The following DSC3 variants were observed in gnomAD, a reference collection of about 807,000 sequenced individuals.
The protein encoded by DSC3 is desmocollin 3.
A neutral mutation model predicts 89.5 loss-of-function variants in DSC3; 97 were observed. The observed-to-expected ratio is 1.08, with a 90% CI of 0.92 to 1.28. The LOEUF is 1.28. Among genes scored for constraint, DSC3 ranks in the 50% most tolerant of loss-of-function variants. The pLI is 0.00. For synonymous variants in DSC3, 436 were observed against 384.1 expected, an observed-to-expected ratio of 1.14 and a Z score of -1.58; for missense variants, 1,199 against 1,085.3, an observed-to-expected ratio of 1.10 and a Z score of -1.47.
chr18:31,029,445 T>C, intron 4 of DSC3, 64 bp downstream of exon 4: 1 of 1,591,810 alleles, frequency 6.3e-7, no homozygotes, highest in Non-Finnish European at 8.6e-7. Context: ...AAAGAGGTAT[T>C]AAATCTCAAT....
rs1476409108 is a variant in DSC3 at position 31,031,628 on chromosome 18, T to TGAGTTTGGTAA, written c.155-457_155-456insTTACCAAACTC. Among the ~76,000 whole-genome samples the TGAGTTTGGTAA allele has an allele frequency of 7.2e-5, 11 of 152,304 alleles. 1 individual carries two copies. The highest frequency in any genetic ancestry group is 2.1e-4 in the South Asian group (1 of 4,826). ...GTATGAGTTTGGTAAAGAGTCATGT[T>TGAGTTTGGTAA]AGAAAAATCCAATCTCCGAAATTTT... On this transcript the variant is annotated intron_variant, in intron 2 of 15. Coordinates refer to ENST00000360428, the MANE Select transcript of DSC3 (RefSeq NM_001941.5).
Position 31,042,638 on chromosome 18 carries a change from C to G in DSC3, c.23G>C (p.Arg8Pro), listed in dbSNP as rs1261980441. The G allele has an allele frequency of 1.9e-6, 3 of 1,549,914 alleles. No individual in the cohort carries two copies. The highest frequency in any genetic ancestry group is 2.6e-6 in the Non-Finnish European group (3 of 1,146,652). Reference sequence around the variant, plus strand: ...CAGGCAGACGGCTCCGCGCACGGAGCGCCGGGGCCCAGCGGCGGCCATCGG... The same window carrying G: ...CAGGCAGACGGCTCCGCGCACGGAGGGCCGGGGCCCAGCGGCGGCCATCGG... MAAAGPR[R>P]SVRGAVCLHL... The change falls in exon 1 of 16, where the codon CGC becomes CCC. Residue 8 changes from arginine (R) to proline (P), a missense_variant. Physicochemically the swap from Arg to Pro is moderately radical, Grantham distance 103. Transcript: ENST00000360428.
At position 31,025,871 on chromosome 18, in the gene DSC3, T is replaced by C; in HGVS notation, c.519A>G (p.Ile173Met). The C allele has an allele frequency of 6.2e-7, 1 of 1,613,100 alleles. No homozygotes were observed. Among genetic ancestry groups the C allele is most frequent in the Non-Finnish European group, 8.5e-7 (1 of 1,179,322 alleles). Residue 173 changes from isoleucine to methionine, a missense_variant, in exon 5 of 16, where the codon ATA becomes ATG. By Grantham distance (10) the Ile-to-Met change is conservative. Transcript: ENST00000360428. ...AAQNYTVFYS[I>M]SGRGVDKEPL... ...GTTCTTTATCAACTCCACGTCCACTTATTGAGTAGAAGACAGTATAGTTCT... is the reference window on the plus strand; with the variant it reads ...GTTCTTTATCAACTCCACGTCCACTCATTGAGTAGAAGACAGTATAGTTCT...
chr18:30,995,990 A>G (rs993760034), intron 15 of DSC3, among the ~76,000 whole-genome samples: 19 of 148,132 alleles, frequency 1.3e-4, no homozygotes, highest in African/African-American at 4.3e-4. Flanking sequence ...AAAAAAAAAA[A>G]AAAAAAAAAG....
In DSC3 at chr18:30,994,127, G is replaced by A. The variant is rs891220242; in HGVS notation, c.*48C>T. 4.5e-6 allele frequency: 7 copies of A among 1,566,142 alleles called. No individual in the cohort carries two copies. The highest frequency in any genetic ancestry group is 5.3e-6 in the Non-Finnish European group (6 of 1,137,316). On this transcript the variant is annotated 3_prime_UTR_variant, in exon 16 of 16. Coordinates refer to ENST00000360428, the MANE Select transcript of DSC3 (RefSeq NM_001941.5). ...AATTGAACTTTACAATATTATTTTT[G>A]GAAACCTCCAGAATGTCTGACAAAG...
chr18:30,994,126 T>C lies in DSC3; in HGVS notation c.*49A>G. 2 of 1,568,076 alleles carry C rather than the reference T, an allele frequency of 1.3e-6. No homozygotes were observed. Among genetic ancestry groups the C allele is most frequent in the Non-Finnish European group, 1.8e-6 (2 of 1,138,842 alleles). ...AAATTGAACTTTACAATATTATTTT[T>C]GGAAACCTCCAGAATGTCTGACAAA... On this transcript the variant is annotated 3_prime_UTR_variant, in exon 16 of 16. Transcript: ENST00000360428.
At chr18:31,013,254 T>TGTATC (rs1598538665) in intron 9 of DSC3, among the ~76,000 whole-genome samples, 1 of 151,896 alleles carries the variant, frequency 6.6e-6, no homozygotes, top group Non-Finnish European at 1.5e-5. Context: ...AAACATGAAT[T>TGTATC]GGAACAGATA....
In DSC3 at chr18:31,018,784, G is replaced by A; in HGVS notation, c.959C>T (p.Ser320Leu). The A allele has an allele frequency of 1.9e-6, 3 of 1,613,650 alleles. No individual in the cohort carries two copies. Among genetic ancestry groups the A allele is most frequent in the Non-Finnish European group, 1.7e-6 (2 of 1,179,900 alleles). ...CATGTCTTGTACTTTCATTATCAAT[G>A]AGTACTTGTCTACAACCTGGAAACA... is the stretch of plus-strand genomic sequence containing the variant. ...YLDREVVDKY[S>L]LIMKVQDMDG... is the part of the protein sequence containing the mutation. Residue 320 changes from serine (S) to leucine (L), a missense_variant, in exon 8 of 16, where the codon TCA becomes TTA. Physicochemically the swap from Ser to Leu is moderately radical, Grantham distance 145 (BLOSUM62 -2). Coordinates refer to ENST00000360428, the MANE Select transcript of DSC3 (RefSeq NM_001941.5).
intron 9 of DSC3, among the ~76,000 whole-genome samples, chr18:31,017,270 A>G (rs372621276): frequency 1.1e-4 from 17 of 152,216 alleles, no homozygotes; most frequent in African/African-American, 4.1e-4. Flanking sequence ...AATTGCAAAT[A>G]GAGGTGTTTG....
chr18:31,019,663 T>A (rs1985354638), intron 7 of DSC3, among the ~76,000 whole-genome samples: 2 of 152,128 alleles, frequency 1.3e-5, no homozygotes. Flanking sequence ...CATGGTGGTA[T>A]GTGTCCGTAC....
intron 13 of DSC3, among the ~76,000 whole-genome samples, chr18:31,003,653 C>T (rs568373433): frequency 6.6e-6 from 1 of 152,254 alleles, no homozygotes; most frequent in Admixed American, 6.5e-5. Flanking sequence ...TTAACTTCTA[C>T]TCTTATCACA....
intron 4 of DSC3, 64 bp downstream of exon 4, chr18:31,029,445 T>G: frequency 6.3e-7 from 1 of 1,591,810 alleles, no homozygotes; most frequent in Non-Finnish European, 8.6e-7. Flanking sequence ...AAAGAGGTAT[T>G]AAATCTCAAT....
Position 30,990,898 on chromosome 18 carries a change from T to C in DSC3, c.*3277A>G, listed in dbSNP as rs768195006. The C allele has an allele frequency of 2.6e-5, 4 of 152,188 alleles. No homozygotes were observed. Among genetic ancestry groups the C allele is most frequent in the Non-Finnish European group, 5.9e-5 (4 of 68,038 alleles). 9.4% of individuals were successfully genotyped at this position (152,188 alleles called of 1,614,324 possible). A position where few individuals can be genotyped will look rare whatever the true frequency, so the allele number is the denominator to read the frequency against. ...TAGTGATCTCTTCCCAACATTACAATATATATTAATGATGTCGACAATTTG... is the reference window on the plus strand; with the variant it reads ...TAGTGATCTCTTCCCAACATTACAACATATATTAATGATGTCGACAATTTG... On this transcript the variant is annotated 3_prime_UTR_variant, in exon 16 of 16. Coordinates refer to ENST00000360428, the MANE Select transcript of DSC3 (RefSeq NM_001941.5).
chr18:31,020,293 T>A (rs1384208074), intron 7 of DSC3, among the ~76,000 whole-genome samples: 2 of 152,062 alleles, frequency 1.3e-5, no homozygotes, highest in Non-Finnish European at 2.9e-5. Context: ...TGTAAGGACC[T>A]ACAGTATTTG....
chr18:31,029,566 A>G lies in DSC3; in HGVS notation c.417T>C (p.Pro139=). Residue 139 remains proline (P), a synonymous_variant, in exon 4 of 16, where the codon CCT becomes CCC. Coordinates refer to ENST00000360428, the MANE Select transcript of DSC3 (RefSeq NM_001941.5). ...VLRRAKRRWA[P]IPCSMQENSL... ...AATTCTCTTGCATAGAGCAAGGAAT[A>G]GGTGCCCATCTCCTCTTGGCACGCC... The G allele has an allele frequency of 6.2e-7, 1 of 1,613,898 alleles. No homozygotes were observed. Among genetic ancestry groups the G allele is most frequent in the East Asian group, 2.2e-5 (1 of 44,872 alleles).
Position 31,006,914 on chromosome 18 carries a change from T to G in DSC3, c.1881A>C (p.Lys627Asn). The change falls in exon 12 of 16, where the codon AAA becomes AAC. Residue 627 changes from lysine (K) to asparagine (N), a missense_variant. By Grantham distance (94) the Lys-to-Asn change is moderately conservative. Transcript: ENST00000360428. ...PEISRLWSLTKVNDTAARLSY... is the reference protein window; with the variant it reads ...PEISRLWSLTNVNDTAARLSY... The stretch of plus-strand genomic sequence containing the variant: ...TTATTTTTTATTAAATACCATTAAC[T>G]TTGGTGAGGCTCCACAGTCTACTGA... 6.2e-7 allele frequency: 1 copy of G among 1,609,574 alleles called. No individual in the cohort carries two copies. The highest frequency in any genetic ancestry group is 8.5e-7 in the Non-Finnish European group (1 of 1,176,204).
At chr18:30,994,476 A>T (rs754208915) in intron 15 of DSC3, 104 bp from the exon 16 acceptor site, 1 of 1,595,590 alleles carries the variant, frequency 6.3e-7, no homozygotes, top group Non-Finnish European at 8.6e-7. Context: ...ATTTTTAACC[A>T]GTGTGTCCTC....
chr18:30,997,137 AC>A, intron 14 of DSC3, 89 bp from the exon 15 acceptor site: 1 of 1,479,988 alleles, frequency 6.8e-7, no homozygotes, highest in African/African-American at 1.4e-5. Context: ...TATTTGTTCA[AC>A]CTTTTATTCA....
At position 30,991,160 on chromosome 18, in the gene DSC3, A is replaced by G. The variant is rs565146260; in HGVS notation, c.*3015T>C. On this transcript the variant is annotated 3_prime_UTR_variant, in exon 16 of 16. Transcript: ENST00000360428. Reference sequence around the variant, plus strand: ...ATTTTAAGCAGCCAAGTTTCTTTAAAAGCAAAGTAACTTCTTTTAATAGCA... The same window carrying G: ...ATTTTAAGCAGCCAAGTTTCTTTAAGAGCAAAGTAACTTCTTTTAATAGCA... The G allele has an allele frequency of 3.9e-5, 6 of 152,648 alleles. No homozygotes were observed. The highest frequency in any genetic ancestry group is 8.8e-5 in the Non-Finnish European group (6 of 68,046). The allele number at this position is 152,648 out of a possible 1,614,324, so 9.5% of individuals were successfully genotyped here.
Sources: gnomAD v4.1 joint callset for allele counts (sites outside exome capture counted in the v4.1 genomes callset) on GRCh38, gnomAD v4.1.1 for gene constraint, MANE v1.5 for transcripts, NCBI Gene and HGNC (gene_info 2026-07-23, HGNC 2026-07-21) for gene names.